Variants in TG observed in about 807,000 individuals in gnomAD.
TG encodes thyroglobulin.
In TG, 270 loss-of-function variants were observed where a neutral mutation model predicts 324.7. The ratio of observed to expected loss-of-function variants is 0.83; its 90% confidence interval spans 0.75 to 0.92. The LOEUF is 0.92. Among genes scored for constraint, TG ranks in the 40% least tolerant of loss-of-function variants. The pLI, the probability that TG is intolerant of heterozygous loss-of-function variation, is 0.00. For missense variants in TG, 3,591 were observed against 3,456.4 expected (o/e 1.04, Z -0.98); for synonymous variants, 1,401 against 1,327.0 (o/e 1.06, Z -1.21).
chr8:133,018,362 C>T (rs959454937), intron 38 of TG, among the ~76,000 whole-genome samples: 5 of 152,072 alleles, frequency 3.3e-5, no homozygotes, highest in Non-Finnish European at 5.9e-5. Flanking sequence ...GGAGAGGTTC[C>T]CATAGAATAA....
At chr8:133,018,120 A>G (rs1835214871) in intron 38 of TG, 123 bp downstream of exon 38, 1 of 922,296 alleles carries the variant, frequency 1.1e-6, no homozygotes, top group African/African-American at 1.6e-5. Flanking sequence ...TGGAGGATGG[A>G]ATATATTAGC....
intron 5 of TG, among the ~76,000 whole-genome samples, chr8:132,878,559 A>T (rs180215): frequency 2.7e-5 from 4 of 150,312 alleles, no homozygotes; most frequent in Non-Finnish European, 5.9e-5. Flanking sequence ...CACTTGAGCC[A>T]AGATCGCACC....
chr8:133,080,963 G>T lies in TG; in HGVS notation c.7240-14081G>T, dbSNP rs572693926. 9.2e-5 allele frequency among the ~76,000 whole-genome samples: 14 copies of T among 152,356 alleles called. No individual in the cohort carries two copies. In the South Asian group the frequency reaches 2.7e-3, roughly 29 times the overall value. On this transcript the variant is annotated intron_variant, in intron 41 of 47. Coordinates refer to ENST00000220616, the MANE Select transcript of TG (RefSeq NM_003235.5). ...ACTTGGTGTTTTATTTGCATCCTAG[G>T]AATGGGACACATTGCGTATTGGAGT...
chr8:133,036,115 C>G (rs946109397), intron 41 of TG, among the ~76,000 whole-genome samples: 3 of 152,226 alleles, frequency 2.0e-5, no homozygotes, highest in Admixed American at 6.5e-5. Context: ...ACTCCATACA[C>G]TTCCTAGATC....
chr8:133,105,861 G>A (rs1483013897), intron 43 of TG, among the ~76,000 whole-genome samples: 1 of 152,138 alleles, frequency 6.6e-6, no homozygotes, highest in African/African-American at 2.4e-5. Flanking sequence ...GGAGAGGTGG[G>A]GGATGGGGCG....
chr8:133,090,351 T>A (rs1476543468), intron 41 of TG, among the ~76,000 whole-genome samples: 1 of 152,168 alleles, frequency 6.6e-6, no homozygotes, highest in Non-Finnish European at 1.5e-5. Context: ...CAGCAGAGAA[T>A]TTCTCCCTGA....
chr8:132,880,787 T>C (rs972905683), intron 5 of TG, among the ~76,000 whole-genome samples: 2 of 152,248 alleles, frequency 1.3e-5, no homozygotes, highest in South Asian at 2.1e-4. Context: ...TAATCTAACC[T>C]TTTTACATAA....
chr8:133,041,474 A>T (rs569733149), intron 41 of TG, among the ~76,000 whole-genome samples: 1 of 152,190 alleles, frequency 6.6e-6, no homozygotes, highest in Non-Finnish European at 1.5e-5. Context: ...CCATGAATTT[A>T]GAGGGAGATT....
In TG at chr8:132,893,790, G is replaced by A; in HGVS notation, c.2862G>A (p.Gly954=). The A allele has an allele frequency of 6.2e-7, 1 of 1,613,964 alleles. No individual in the cohort carries two copies. The highest frequency in any genetic ancestry group is 8.5e-7 in the Non-Finnish European group (1 of 1,179,922). The part of the protein sequence containing the change: ...SASNSSRFPL[G]ESFLVAKGIR... ...CCAACAGTTCTCGGTTCCCTCTGGG[G>A]GAGAGTTTCCTGGTGGCCAAGGGAA... is the stretch of plus-strand genomic sequence containing the variant. Residue 954 remains glycine, a synonymous_variant, in exon 11 of 48, where the codon GGG becomes GGA. Transcript: ENST00000220616.
chr8:132,907,052 C>T (rs989128838), intron 17 of TG, 152 bp downstream of exon 17: 2 of 805,270 alleles, frequency 2.5e-6, no homozygotes, highest in Non-Finnish European at 2.0e-6. Context: ...GAGAGAGTCC[C>T]ATGGAGCATT....
At chr8:133,113,316 C>A (rs1588126425) in intron 43 of TG, 106 bp from the exon 44 acceptor site, 2 of 1,288,704 alleles carry the variant, frequency 1.6e-6, no homozygotes, top group Non-Finnish European at 2.2e-6. Flanking sequence ...TAATGCCATG[C>A]CCCACTGCTT....
At chr8:133,037,243 G>A (rs1448165600) in intron 41 of TG, 2 of 152,156 alleles carry the variant, frequency 1.3e-5, no homozygotes, top group African/African-American at 2.4e-5. Flanking sequence ...GATTTGGATG[G>A]GAGCTTCTCC....
chr8:133,074,767 C>A, intron 41 of TG: 1 of 791,808 alleles, frequency 1.3e-6, no homozygotes, highest in Non-Finnish European at 1.5e-6. Flanking sequence ...CTTTCTGACT[C>A]CAGAAAGTCA....
chr8:132,988,935 T>C, intron 35 of TG: 1 of 973,758 alleles, frequency 1.0e-6, no homozygotes, highest in Non-Finnish European at 1.2e-6. Context: ...CATAAAGACA[T>C]ACCCGAGACT....
chr8:132,928,224 A>C (rs1822170617), intron 22 of TG, among the ~76,000 whole-genome samples: 2 of 152,224 alleles, frequency 1.3e-5, no homozygotes, highest in Non-Finnish European at 2.9e-5. Context: ...AGTCTTTTTT[A>C]ATAAAGCAAT....
At chr8:133,094,971 C>T (rs772943002) in intron 41 of TG, 73 bp from the exon 42 acceptor site, 2 of 1,600,600 alleles carry the variant, frequency 1.2e-6, no homozygotes, top group South Asian at 1.1e-5. Context: ...CCTGATGTGG[C>T]ACTGAGGACT....
At chr8:132,986,357 ATGTGTATATATAGTATATATATG>A (rs879884219) in intron 35 of TG, among the ~76,000 whole-genome samples, 27,811 of 149,732 alleles carry the variant, frequency 0.19, 2,891 homozygotes, top group Middle Eastern at 0.31. Context: ...ATATGTATAT[ATGTGTATATATAGTATATATATG>A]TGTGTATATA....
chr8:132,888,493 C>T lies in TG; in HGVS notation c.2686C>T (p.Arg896Trp), dbSNP rs142469107. Residue 896 changes from arginine to tryptophan, a missense_variant, in exon 10 of 48, where the codon CGG becomes TGG. By Grantham distance (101) the Arg-to-Trp change is moderately radical. Transcript: ENST00000220616. The part of the protein sequence containing the change: ...FSTPLAHFDL[R>W]NCWCVDEAGQ... ...CACTCCTTTGGCACATTTTGATCTT[C>T]GGAACTGCTGGTGTGTGGATGAGGC... 75 of 1,609,626 alleles carry T rather than the reference C, an allele frequency of 4.7e-5. No individual in the cohort carries two copies. In the African/African-American group the frequency reaches 4.8e-4, roughly 10 times the overall value.
At chr8:133,049,269 A>C (rs1839995612) in intron 41 of TG, 1 of 414,314 alleles carries the variant, frequency 2.4e-6, no homozygotes, top group Non-Finnish European at 4.9e-6. Context: ...CCATTTTTCA[A>C]GGAAGGCACA....
Sources: gnomAD v4.1 joint callset for allele counts (sites outside exome capture counted in the v4.1 genomes callset) on GRCh38, gnomAD v4.1.1 for gene constraint, MANE v1.5 for transcripts, NCBI Gene and HGNC (gene_info 2026-07-23, HGNC 2026-07-21) for gene names.